The following SLC24A3 variants were observed in gnomAD, a reference collection of about 807,000 sequenced individuals.
SLC24A3 encodes solute carrier family 24 member 3, also known as sodium/potassium/calcium exchanger 3.
A neutral mutation model predicts 75.8 loss-of-function variants in SLC24A3; 28 were observed. That is an observed-to-expected ratio of 0.37 (90% CI 0.27 to 0.51). SLC24A3 has a LOEUF of 0.51. SLC24A3 is among the 20% of genes least tolerant of loss of function. The pLI is 0.94. For missense variants in SLC24A3, 663 were observed against 847.8 expected (o/e 0.78, Z 2.71); for synonymous variants, 372 against 334.1 (o/e 1.11, Z -1.24).
At chr20:19,460,819 A>G (rs1460592141) in intron 2 of SLC24A3, among the ~76,000 whole-genome samples, 1 of 152,102 alleles carries the variant, frequency 6.6e-6, no homozygotes, top group Non-Finnish European at 1.5e-5. Context: ...ATTGGCATTT[A>G]GTAAAATTAA....
intron 2 of SLC24A3, among the ~76,000 whole-genome samples, chr20:19,509,406 G>A (rs554763214): frequency 2.0e-5 from 3 of 152,188 alleles, no homozygotes; most frequent in African/African-American, 7.2e-5. Flanking sequence ...TCTGGGAGGC[G>A]CTAGAGGCCC....
chr20:19,396,440 A>C (rs1253775681), intron 2 of SLC24A3, among the ~76,000 whole-genome samples: 1 of 152,216 alleles, frequency 6.6e-6, no homozygotes, highest in South Asian at 2.1e-4. Flanking sequence ...GAGCTATTTA[A>C]ATTCTCTTTT....
At chr20:19,645,583 G>A (rs967966258) in intron 6 of SLC24A3, among the ~76,000 whole-genome samples, 3 of 152,092 alleles carry the variant, frequency 2.0e-5, no homozygotes, top group South Asian at 2.1e-4. Flanking sequence ...ACAGGGCACC[G>A]CTGAGCGGCT....
At chr20:19,505,573 C>G (rs1988449947) in intron 2 of SLC24A3, among the ~76,000 whole-genome samples, 1 of 152,118 alleles carries the variant, frequency 6.6e-6, no homozygotes, top group South Asian at 2.1e-4. Flanking sequence ...GAGACAATGA[C>G]AGATAGGCAA....
At chr20:19,698,877 G>T (rs942889781) in intron 15 of SLC24A3, among the ~76,000 whole-genome samples, 197 bp downstream of exon 15, 1 of 152,148 alleles carries the variant, frequency 6.6e-6, no homozygotes, top group African/African-American at 2.4e-5. Flanking sequence ...GCAGGGGCCA[G>T]CAAACTTTTT....
At chr20:19,564,387 C>T (rs2030923469) in intron 3 of SLC24A3, among the ~76,000 whole-genome samples, 1 of 152,156 alleles carries the variant, frequency 6.6e-6, no homozygotes, top group South Asian at 2.1e-4. Context: ...TCACTATCAT[C>T]ATCACCAACA....
intron 2 of SLC24A3, among the ~76,000 whole-genome samples, chr20:19,412,370 C>T (rs1986757003): frequency 6.6e-6 from 1 of 151,746 alleles, no homozygotes; most frequent in Admixed American, 6.6e-5. Flanking sequence ...CATTCAGGTT[C>T]CCCTGTGAGC....
chr20:19,671,184 G>A (rs1273041363), intron 8 of SLC24A3, among the ~76,000 whole-genome samples: 3 of 152,154 alleles, frequency 2.0e-5, no homozygotes, highest in Admixed American at 6.5e-5. Flanking sequence ...GCCAGCCAAG[G>A]AGTGAAGGCA....
chr20:19,491,508 G>T (rs1988208495), intron 2 of SLC24A3, among the ~76,000 whole-genome samples: 1 of 152,132 alleles, frequency 6.6e-6, no homozygotes, highest in Admixed American at 6.5e-5. Context: ...ATGGACAAAG[G>T]TTGCCTGAGC....
chr20:19,547,867 G>A (rs568178101), intron 3 of SLC24A3, among the ~76,000 whole-genome samples: 1 of 152,314 alleles, frequency 6.6e-6, no homozygotes, highest in African/African-American at 2.4e-5. Flanking sequence ...ATCTCCTTTG[G>A]GCGCAGCCCA....
At chr20:19,683,330 G>A (rs913447658) in intron 10 of SLC24A3, among the ~76,000 whole-genome samples, 4 of 152,162 alleles carry the variant, frequency 2.6e-5, no homozygotes, top group African/African-American at 9.7e-5. Flanking sequence ...TAGTGGCTTG[G>A]AAAACAGGAG....
Position 19,569,096 on chromosome 20 carries a change from G to A in SLC24A3, c.349-10904G>A, listed in dbSNP as rs954042435. ...AGAAAGAGTGGGTCAGGGAACCCTT[G>A]TGGGAGGTCAGACCTGTCCAGCGTA... is the stretch of plus-strand genomic sequence containing the variant. On this transcript the variant is annotated intron_variant, in intron 3 of 16. Transcript: ENST00000328041. 2.6e-5 allele frequency among the ~76,000 whole-genome samples: 4 copies of A among 152,152 alleles called. No homozygotes were observed. In the East Asian group the frequency reaches 5.8e-4, roughly 22 times the overall value.
At chr20:19,700,128 C>A (rs2032854177) in intron 15 of SLC24A3, among the ~76,000 whole-genome samples, 1 of 152,160 alleles carries the variant, frequency 6.6e-6, no homozygotes, top group African/African-American at 2.4e-5. Context: ...CAGAGAAGGT[C>A]AAATTATGGT....
At chr20:19,329,440 A>T (rs1043668856) in intron 2 of SLC24A3, among the ~76,000 whole-genome samples, 2 of 152,192 alleles carry the variant, frequency 1.3e-5, no homozygotes, top group Non-Finnish European at 2.9e-5. Context: ...GCCGGTCATT[A>T]TTCCTATAGG....
chr20:19,270,666 A>G (rs958916015), intron 1 of SLC24A3, among the ~76,000 whole-genome samples: 1 of 152,140 alleles, frequency 6.6e-6, no homozygotes, highest in Non-Finnish European at 1.5e-5. Context: ...TTACCTCCCA[A>G]TTGGGAGTTA....
chr20:19,379,491 G>C (rs1021991173), intron 2 of SLC24A3, among the ~76,000 whole-genome samples: 14 of 152,132 alleles, frequency 9.2e-5, no homozygotes, highest in African/African-American at 3.1e-4. Context: ...AGTCTCACCA[G>C]ATTTGTAGTG....
At chr20:19,704,655 G>A (rs542833775) in intron 15 of SLC24A3, among the ~76,000 whole-genome samples, 20 of 152,302 alleles carry the variant, frequency 1.3e-4, no homozygotes, top group African/African-American at 4.8e-4. Context: ...TTACTGAACA[G>A]GAGATTAAGT....
chr20:19,718,031 C>A (rs1414225776), intron 16 of SLC24A3, among the ~76,000 whole-genome samples: 2 of 152,222 alleles, frequency 1.3e-5, no homozygotes, highest in African/African-American at 4.8e-5. Flanking sequence ...CACTTGCGTA[C>A]TTTAATATTC....
intron 1 of SLC24A3, among the ~76,000 whole-genome samples, chr20:19,229,009 C>T (rs879821529): frequency 8.5e-5 from 13 of 152,168 alleles, no homozygotes; most frequent in Non-Finnish European, 1.3e-4. Context: ...GACAAAAGCA[C>T]TTATAGTGCT....
Sources: allele counts gnomAD v4.1 joint callset (sites outside exome capture counted in the v4.1 genomes callset), GRCh38; gene constraint gnomAD v4.1.1; transcripts MANE v1.5; gene names NCBI Gene and HGNC (gene_info 2026-07-23, HGNC 2026-07-21).